KIF5A: variants seen among roughly 807,000 people sequenced by gnomAD.
The protein encoded by KIF5A is kinesin family member 5A, also known as kinesin heavy chain isoform 5A.
KIF5A carries 35 observed loss-of-function variants against 141.3 expected under a neutral mutation model. The ratio of observed to expected loss-of-function variants is 0.25; its 90% CI spans 0.19 to 0.33. The LOEUF (loss-of-function observed/expected upper bound fraction) is 0.33, where lower values mean the gene tolerates loss of function less well. Ranked by LOEUF, KIF5A falls within the 10% of genes least tolerant of loss-of-function variation. KIF5A has a pLI of 1.00. For missense variants in KIF5A, 861 were observed against 1,314.3 expected (o/e 0.66, Z 5.33); for synonymous variants, 448 against 500.2 (o/e 0.90, Z 1.39).
intron 1 of KIF5A, among the ~76,000 whole-genome samples, chr12:57,556,646 G>A (rs1395560101): frequency 6.6e-6 from 1 of 150,590 alleles, no homozygotes; most frequent in Non-Finnish European, 1.5e-5. Context: ...GAGGGAGTGT[G>A]TGTGGGGGCT....
chr12:57,559,001 C>T (rs1426039060), intron 1 of KIF5A, among the ~76,000 whole-genome samples: 2 of 152,132 alleles, frequency 1.3e-5, no homozygotes, highest in Non-Finnish European at 2.9e-5. Context: ...TGGTCTCCAA[C>T]TCCTGGCCTC....
At chr12:57,581,270 C>T in intron 24 of KIF5A, 98 bp downstream of exon 24, 1 of 1,496,434 alleles carries the variant, frequency 6.7e-7, no homozygotes, top group South Asian at 1.2e-5. Flanking sequence ...CTTACCTACC[C>T]CTAGCCTCAT....
rs752474331 is a variant in KIF5A, at chr12:57,575,737, T to C, written c.2003T>C (p.Leu668Pro). 1 of 1,613,946 alleles carries C rather than the reference T, an allele frequency of 6.2e-7. No homozygotes were observed. The highest frequency in any genetic ancestry group is 8.5e-7 in the Non-Finnish European group (1 of 1,179,766). The part of the protein sequence containing the change: ...EESYDSLSDE[L>P]AKLQAQETVH... Reference sequence around the variant, plus strand: ...TCCTATGACTCCTTGAGCGATGAGCTGGCCAAGCTCCAGGCCCAGGGTGAG... The same window carrying C: ...TCCTATGACTCCTTGAGCGATGAGCCGGCCAAGCTCCAGGCCCAGGGTGAG... Residue 668 changes from leucine to proline, a missense_variant, in exon 17 of 29, where the codon CTG becomes CCG. Coordinates refer to ENST00000455537, the MANE Select transcript of KIF5A (RefSeq NM_004984.4).
At chr12:57,573,751 C>T (rs1882329880) in intron 15 of KIF5A, among the ~76,000 whole-genome samples, 1 of 151,142 alleles carries the variant, frequency 6.6e-6, no homozygotes, top group African/African-American at 2.4e-5. Context: ...ATCGCTTGAA[C>T]CTGGAGGCGG....
intron 26 of KIF5A, 93 bp downstream of exon 26, chr12:57,582,045 G>T: frequency 9.8e-7 from 1 of 1,024,362 alleles, no homozygotes; most frequent in South Asian, 1.3e-5. Context: ...AAAAAACACT[G>T]ACTGAACCTT....
At chr12:57,563,771 A>G in intron 3 of KIF5A, 78 bp downstream of exon 3, 8 of 1,319,982 alleles carry the variant, frequency 6.1e-6, no homozygotes, top group Non-Finnish European at 8.8e-6. Context: ...GGGAAGGTCT[A>G]GGAATCAAGG....
chr12:57,556,202 G>A (rs907297565), intron 1 of KIF5A, among the ~76,000 whole-genome samples: 8 of 151,090 alleles, frequency 5.3e-5, no homozygotes, highest in Non-Finnish European at 8.8e-5. Context: ...GCAGTGGCGC[G>A]ATCTCGGCTC....
rs1882598883 is a variant in KIF5A, at chr12:57,581,472, C to T, written c.2813C>T (p.Thr938Ile). ...TCCTCACCCACCAACCCCTATGGCA[C>T]CCGGAGCCCTGAGTGCATCAGTTAC... ...PASSPTNPYG[T>I]RSPECISYTN... Residue 938 changes from threonine to isoleucine, a missense_variant, in exon 25 of 29, where the codon ACC (threonine) becomes ATC (isoleucine). Thr to Ile is a moderately conservative substitution (Grantham distance 89). Transcript: ENST00000455537. 2 of 1,613,960 alleles carry T rather than the reference C, an allele frequency of 1.2e-6. No homozygotes were observed. The highest frequency in any genetic ancestry group is 1.7e-6 in the Non-Finnish European group (2 of 1,180,028).
chr12:57,575,998 C>T, intron 17 of KIF5A, 89 bp from the exon 18 acceptor site: 1 of 1,321,654 alleles, frequency 7.6e-7, no homozygotes. Flanking sequence ...GGGTCCATTC[C>T]CAGCCCTGCC....
chr12:57,572,832 A>G lies in KIF5A; in HGVS notation c.1716+106A>G. The G allele has an allele frequency of 7.5e-7, 1 of 1,339,252 alleles. No individual in the cohort carries two copies. The highest frequency in any genetic ancestry group is 1.2e-5 in the South Asian group (1 of 85,180). 83.0% of individuals were successfully genotyped at this position (1,339,252 alleles called of 1,614,324 possible). On this transcript the variant is annotated intron_variant, in intron 15 of 28. Coordinates refer to ENST00000455537, the MANE Select transcript of KIF5A (RefSeq NM_004984.4). The surrounding 1 kb of genome is among the most constrained non-coding windows in gnomAD (Gnocchi z 4.2). ...TACTGAGAAAGGCAGCCAGAGAGCC[A>G]GGAAACATGCCTTTGAACTAGACCC... is the stretch of plus-strand genomic sequence containing the variant.
At chr12:57,578,385 G>T (rs774165370) in intron 23 of KIF5A, 43 bp downstream of exon 23, 1 of 1,365,320 alleles carries the variant, frequency 7.3e-7, no homozygotes, top group South Asian at 1.2e-5. Context: ...TTGAGGCCGG[G>T]TAGCTAGCAT....
chr12:57,563,748 G>A (rs1192076268), intron 3 of KIF5A, 55 bp downstream of exon 3: 2 of 1,493,048 alleles, frequency 1.3e-6, no homozygotes, highest in Non-Finnish European at 1.9e-6. Flanking sequence ...GGAAGATCAG[G>A]GAATCTCAGT....
intron 8 of KIF5A, 96 bp from the exon 9 acceptor site, chr12:57,568,863 GTTCC>G: frequency 1.3e-6 from 1 of 778,506 alleles, no homozygotes; most frequent in Non-Finnish European, 2.2e-6. Flanking sequence ...CTTCTTCCCT[GTTCC>G]TTCCTTCCTC....
intron 3 of KIF5A, 66 bp from the exon 4 acceptor site, chr12:57,564,042 C>T: frequency 9.0e-7 from 1 of 1,110,154 alleles, no homozygotes; most frequent in Non-Finnish European, 1.4e-6. Context: ...TGTTCACCTG[C>T]ATACATCTGA....
chr12:57,554,785 A>C (rs1278492316), intron 1 of KIF5A, among the ~76,000 whole-genome samples: 1 of 152,170 alleles, frequency 6.6e-6, no homozygotes, highest in African/African-American at 2.4e-5. Context: ...AGGGAAAAAG[A>C]GGGAGAGCAA....
chr12:57,553,688 A>T (rs996194029), intron 1 of KIF5A, among the ~76,000 whole-genome samples: 1 of 152,160 alleles, frequency 6.6e-6, no homozygotes, highest in Non-Finnish European at 1.5e-5. Flanking sequence ...CCCAGCCCCA[A>T]TTAGCTTCAG....
chr12:57,573,147 C>T (rs2140165925), intron 15 of KIF5A, among the ~76,000 whole-genome samples: 1 of 152,310 alleles, frequency 6.6e-6, no homozygotes, highest in East Asian at 1.9e-4. Flanking sequence ...ACTGAGATCA[C>T]ACCACTGCAC....
Position 57,583,140 on chromosome 12 carries a change from C to T in KIF5A, c.3060C>T (p.Ala1020=). Residue 1020 remains alanine (A), a synonymous_variant, in exon 28 of 29, where the codon GCC becomes GCT. Transcript: ENST00000455537. ...GTGGCTATGAGGCTGAGGACCAGGC[C>T]AAGCTTTTCCCTCTCCACCAAGAGA... ...LPCGYEAEDQ[A]KLFPLHQETA... 1 of 1,614,038 alleles carries T rather than the reference C, an allele frequency of 6.2e-7. No individual in the cohort carries two copies. The highest frequency in any genetic ancestry group is 8.5e-7 in the Non-Finnish European group (1 of 1,179,990).
At chr12:57,575,465 CCT>C (rs548994564) in intron 16 of KIF5A, among the ~76,000 whole-genome samples, 173 bp from the exon 17 acceptor site, 5 of 152,110 alleles carry the variant, frequency 3.3e-5, no homozygotes, top group Non-Finnish European at 7.3e-5. Context: ...GGTACTGCCC[CCT>C]GAGCCATGGG....
Sources: gnomAD v4.1 joint callset for allele counts (sites outside exome capture counted in the v4.1 genomes callset) on GRCh38, gnomAD v4.1.1 for gene constraint, Gnocchi (gnomAD v3.1) non-coding constraint, MANE v1.5 for transcripts, NCBI Gene and HGNC (gene_info 2026-07-23, HGNC 2026-07-21) for gene names.